Variants in CHN1 observed in about 807,000 individuals in gnomAD.
CHN1 encodes N-chimaerin.
In CHN1, 37 loss-of-function variants were observed where a neutral mutation model predicts 59.5. The ratio of observed to expected loss-of-function variants is 0.62; its 90% CI spans 0.48 to 0.82. CHN1 has a LOEUF of 0.82. Ranked by LOEUF, CHN1 falls within the 40% of genes least tolerant of loss-of-function variation. The probability of loss-of-function intolerance (pLI) is 0.00; values close to 1 mark genes in which losing one functional copy is unlikely to be tolerated. For missense variants in CHN1, 469 were observed against 571.0 expected, an observed-to-expected ratio of 0.82 and a Z score of 1.82; for synonymous variants, 206 against 200.4, an observed-to-expected ratio of 1.03 and a Z score of -0.24.
At chr2:174,944,782 G>C (rs1469555795) in intron 3 of CHN1, 106 bp downstream of exon 3, 1 of 693,768 alleles carries the variant, frequency 1.4e-6, no homozygotes, top group Non-Finnish European at 2.5e-6. Flanking sequence ...ATATCGATTA[G>C]TGTTAAGTGG....
chr2:174,951,207 G>C (rs1690016624), intron 2 of CHN1, among the ~76,000 whole-genome samples: 1 of 152,178 alleles, frequency 6.6e-6, no homozygotes, highest in South Asian at 2.1e-4. Flanking sequence ...AAAGGCACTA[G>C]CAGCGTTGAG....
intron 6 of CHN1, among the ~76,000 whole-genome samples, chr2:174,862,299 G>A (rs1309260016): frequency 6.6e-6 from 1 of 151,472 alleles, no homozygotes; most frequent in African/African-American, 2.4e-5. Context: ...TGAGATACTA[G>A]GTATAGAATT....
chr2:174,914,933 TG>T, intron 5 of CHN1, 124 bp downstream of exon 5: 1 of 522,834 alleles, frequency 1.9e-6, no homozygotes, highest in Non-Finnish European at 3.4e-6. Flanking sequence ...GCTATTAAAA[TG>T]GTAATTAGAT....
chr2:174,847,167 C>T, intron 6 of CHN1: 1 of 1,527,706 alleles, frequency 6.5e-7, no homozygotes, highest in Non-Finnish European at 8.8e-7. Context: ...CTATAGTGGT[C>T]TATGTCTGTC....
intron 3 of CHN1, among the ~76,000 whole-genome samples, chr2:174,927,717 C>A (rs148087992): frequency 5.3e-5 from 8 of 152,048 alleles, no homozygotes; most frequent in Non-Finnish European, 8.8e-5. Flanking sequence ...AAATGTTTAA[C>A]GTTGTTCTTG....
rs907230291 is a variant in CHN1, at chr2:174,819,660, ATTTTT to A, written c.712+4769_712+4773del. On this transcript the variant is annotated intron_variant, in intron 8 of 12. Coordinates refer to ENST00000409900, the MANE Select transcript of CHN1 (RefSeq NM_001822.7). The stretch of plus-strand genomic sequence containing the variant: ...GAACAACGACCATCCTTTGAACTTG[ATTTTT>A]TTATTATTATTATTATACTTTAAGT... Among the ~76,000 whole-genome samples, 8 of 151,788 alleles carry A rather than the reference ATTTTT, an allele frequency of 5.3e-5. 1 individual carries two copies. In the South Asian group the frequency reaches 1.7e-3, roughly 32 times the overall value.
At chr2:174,997,472 T>C (rs1691744200) in intron 1 of CHN1, among the ~76,000 whole-genome samples, 1 of 152,210 alleles carries the variant, frequency 6.6e-6, no homozygotes, top group South Asian at 2.1e-4. Context: ...GCTAAAAGAA[T>C]GTACTTATCT....
At position 174,913,284 on chromosome 2, in the gene CHN1, T is replaced by C. The variant is rs1012730000; in HGVS notation, c.260+1774A>G. Among the ~76,000 whole-genome samples the C allele has an allele frequency of 2.6e-5, 4 of 152,198 alleles. No homozygotes were observed. The South Asian group carries it at 8.3e-4, about 31-fold the overall frequency. On this transcript the variant is annotated intron_variant, in intron 5 of 12. Transcript: ENST00000409900. The stretch of plus-strand genomic sequence containing the variant: ...AACCAAAAGGAAAGAAAGAGAGGCT[T>C]CTGTTTCTCATTTTACCTCACCTTC...
chr2:174,854,216 T>C (rs556738219), intron 6 of CHN1, among the ~76,000 whole-genome samples: 7 of 152,244 alleles, frequency 4.6e-5, no homozygotes, highest in Non-Finnish European at 7.4e-5. Context: ...ATAATTACTA[T>C]GATCAATTTT....
At chr2:174,844,745 C>T (rs1410001425) in intron 7 of CHN1, among the ~76,000 whole-genome samples, 1 of 152,014 alleles carries the variant, frequency 6.6e-6, no homozygotes, top group African/African-American at 2.4e-5. Context: ...TTTTATAGTG[C>T]CACCCCACAG....
At chr2:174,982,366 T>C (rs1442523471) in intron 1 of CHN1, among the ~76,000 whole-genome samples, 2 of 152,214 alleles carry the variant, frequency 1.3e-5, no homozygotes, top group Non-Finnish European at 2.9e-5. Context: ...CCCTGAGGAA[T>C]TGCCACACTG....
chr2:174,998,974 G>C (rs372054804), intron 1 of CHN1, among the ~76,000 whole-genome samples: 2 of 152,040 alleles, frequency 1.3e-5, no homozygotes, highest in Non-Finnish European at 2.9e-5. Context: ...CAATGTAGTG[G>C]TTTTTAGTGT....
At chr2:174,918,025 A>T (rs1228452117) in intron 4 of CHN1, among the ~76,000 whole-genome samples, 1 of 152,104 alleles carries the variant, frequency 6.6e-6, no homozygotes, top group African/African-American at 2.4e-5. Flanking sequence ...ATTTGGTTCA[A>T]ATCCATTAGG....
intron 1 of CHN1, among the ~76,000 whole-genome samples, chr2:174,962,485 TTC>T (rs1690443212): frequency 6.6e-6 from 1 of 152,124 alleles, no homozygotes; most frequent in Non-Finnish European, 1.5e-5. Flanking sequence ...CTCTTTTTGA[TTC>T]TGTCAGAAAA....
At chr2:174,841,611 T>C (rs1055003963) in intron 7 of CHN1, among the ~76,000 whole-genome samples, 7 of 151,776 alleles carry the variant, frequency 4.6e-5, no homozygotes, top group Non-Finnish European at 8.8e-5. Context: ...AGAGTGTGTG[T>C]GTGTGCATGT....
chr2:174,803,539 C>T (rs1284693516), intron 11 of CHN1, among the ~76,000 whole-genome samples: 2 of 152,162 alleles, frequency 1.3e-5, no homozygotes, highest in African/African-American at 4.8e-5. Flanking sequence ...GACGAATACT[C>T]CACTTACTAT....
intron 3 of CHN1, among the ~76,000 whole-genome samples, chr2:174,941,386 A>AT (rs1225312616): frequency 1.3e-5 from 2 of 152,048 alleles, no homozygotes; most frequent in Non-Finnish European, 2.9e-5. Context: ...TAGAAAAAAA[A>AT]TTTTTTTAAT....
At chr2:174,985,422 A>C (rs1184769042) in intron 1 of CHN1, among the ~76,000 whole-genome samples, 1 of 152,164 alleles carries the variant, frequency 6.6e-6, no homozygotes, top group African/African-American at 2.4e-5. Flanking sequence ...CCACTTATTA[A>C]ATTTCATTCA....
intron 6 of CHN1, among the ~76,000 whole-genome samples, chr2:174,857,639 C>G (rs2105448867): frequency 6.6e-6 from 1 of 152,286 alleles, no homozygotes. Flanking sequence ...TCTTCCTAAT[C>G]AAAAGCTGAA....
Sources: allele counts gnomAD v4.1 joint callset (sites outside exome capture counted in the v4.1 genomes callset), GRCh38; gene constraint gnomAD v4.1.1; transcripts MANE v1.5; gene names NCBI Gene and HGNC (gene_info 2026-07-23, HGNC 2026-07-21).